TRIM28: variants seen among roughly 807,000 people sequenced by gnomAD.
The protein encoded by TRIM28 is transcription intermediary factor 1-beta.
A neutral mutation model predicts 87.4 loss-of-function variants in TRIM28; 8 were observed. The observed-to-expected ratio is 0.09, with a 90% CI of 0.05 to 0.17. The LOEUF is 0.17. Among genes scored for constraint, TRIM28 ranks in the 10% least tolerant of loss-of-function variants. The pLI is 1.00. For missense variants in TRIM28, 968 were observed against 1,131.8 expected (o/e 0.86, Z 2.08); for synonymous variants, 601 against 454.3 (o/e 1.32, Z -4.11).
Position 58,544,169 on chromosome 19 carries a change from T to G in TRIM28, c.-589T>G, listed in dbSNP as rs2053736167. 2.0e-5 allele frequency: 3 copies of G among 152,426 alleles called. No homozygotes were observed. The South Asian group carries it at 6.2e-4, about 32-fold the overall frequency. 9.4% of individuals were successfully genotyped at this position (152,426 alleles called of 1,614,324 possible). A position where few individuals can be genotyped will look rare whatever the true frequency, so the allele number is the denominator to read the frequency against. On this transcript the variant is annotated 5_prime_UTR_variant, in exon 1 of 17. Transcript: ENST00000253024. ...GGGCGCACAGCGGCCCGCTTCTGTGTGGTCTGGAGGTGGAGCTGAGAGGGG... is the reference window on the plus strand; with the variant it reads ...GGGCGCACAGCGGCCCGCTTCTGTGGGGTCTGGAGGTGGAGCTGAGAGGGG...
At chr19:58,547,246 A>G (rs991540565) in intron 3 of TRIM28, 130 bp from the exon 4 acceptor site, 1 of 1,258,294 alleles carries the variant, frequency 7.9e-7, no homozygotes, top group Middle Eastern at 2.5e-4. Context: ...CCCTGGCCAC[A>G]CCCTCTACAT....
At position 58,547,388 on chromosome 19, in the gene TRIM28, C is replaced by G. The variant is rs2053770689; in HGVS notation, c.599C>G (p.Ser200Cys). 6.2e-7 allele frequency: 1 copy of G among 1,613,622 alleles called. No homozygotes were observed. The highest frequency in any genetic ancestry group is 1.3e-5 in the African/African-American group (1 of 74,880). ...HTVRSTGPAK[S>C]RDGERTVYCN... ...TCCCACTCCCCAGGGCCAGCCAAGT[C>G]TCGGGATGGTGAACGTACTGTCTAT... The change falls in exon 4 of 17, where the codon TCT becomes TGT. Residue 200 changes from serine (S) to cysteine (C), a missense_variant. By Grantham distance (112) the Ser-to-Cys change is moderately radical. Coordinates refer to ENST00000253024, the MANE Select transcript of TRIM28 (RefSeq NM_005762.3).
intron 3 of TRIM28, among the ~76,000 whole-genome samples, chr19:58,546,432 G>A (rs1046895952): frequency 1.3e-5 from 2 of 152,184 alleles, no homozygotes; most frequent in Non-Finnish European, 1.5e-5. Context: ...GAGCTTGAGA[G>A]TCTTTTGAGT....
rs2053735301 is a variant in TRIM28 at position 58,544,103 on chromosome 19, A to C, written c.-655A>C. 1 of 152,376 alleles carries C rather than the reference A, an allele frequency of 6.6e-6. No individual in the cohort carries two copies. Among genetic ancestry groups the C allele is most frequent in the Non-Finnish European group, 1.5e-5 (1 of 68,144 alleles). The allele number at this position is 152,376 out of a possible 1,614,324, so 9.4% of individuals were successfully genotyped here. On this transcript the variant is annotated 5_prime_UTR_variant, in exon 1 of 17. Transcript: ENST00000253024. ...TGGAGACGACTCTACGGCGGCGAAG[A>C]GACGCGGGTTGAGGAAGAGGGACGG...
At chr19:58,545,257 G>A in intron 1 of TRIM28, 160 bp downstream of exon 1, 1 of 899,406 alleles carries the variant, frequency 1.1e-6, no homozygotes, top group Non-Finnish European at 1.7e-6. Context: ...GTTTGTGCTG[G>A]CCGCTGAGAT....
At chr19:58,545,957 T>TA (rs2053757796) in intron 3 of TRIM28, 61 bp downstream of exon 3, 2 of 1,542,346 alleles carry the variant, frequency 1.3e-6, no homozygotes, top group Non-Finnish European at 1.8e-6. Context: ...CAGTTGCTTT[T>TA]ATGATGTTGG....
Position 58,550,540 on chromosome 19 carries a change from G to T in TRIM28, c.2495G>T (p.Gly832Val). Residue 832 changes from glycine to valine, a missense_variant, in exon 17 of 17, where the codon GGT becomes GTT. This residue lies in a region of TRIM28 where 192 missense variants were observed against 225.6 expected (regional missense o/e 0.85). Transcript: ENST00000253024. Reference protein sequence around the residue: ...LSSQELSGGPGDGP With the variant: ...LSSQELSGGPVDGP ...TCCCAGGAGCTGTCTGGTGGCCCTG[G>T]TGATGGCCCCTGAGGCTGGAGCCCC... is the stretch of plus-strand genomic sequence containing the variant. 1.9e-6 allele frequency: 3 copies of T among 1,608,462 alleles called. No individual in the cohort carries two copies. Among genetic ancestry groups the T allele is most frequent in the Non-Finnish European group, 2.5e-6 (3 of 1,179,828 alleles).
intron 1 of TRIM28, 151 bp downstream of exon 1, chr19:58,545,248 T>C (rs1218252039): frequency 5.5e-6 from 5 of 914,096 alleles, no homozygotes; most frequent in Non-Finnish European, 6.5e-6. Context: ...CGAACGTGGG[T>C]TTGTGCTGGC....
chr19:58,545,216 A>C (rs1222081368), intron 1 of TRIM28, 119 bp downstream of exon 1: 1 of 1,033,064 alleles, frequency 9.7e-7, no homozygotes, highest in Non-Finnish European at 1.4e-6. Context: ...GGGCACGGGA[A>C]ATACTTTCTG....
At chr19:58,550,126 A>G (rs1046844677) in intron 15 of TRIM28, 21 bp from the exon 16 acceptor site, 4 of 1,613,492 alleles carry the variant, frequency 2.5e-6, no homozygotes, top group Non-Finnish European at 3.4e-6. Flanking sequence ...TTGTGTGTGT[A>G]TGTGTGATCT....
chr19:58,545,091 G>T lies in TRIM28; in HGVS notation c.334G>T (p.Gly112Cys). 1 of 1,425,976 alleles carries T rather than the reference G, an allele frequency of 7.0e-7. No individual in the cohort carries two copies. Among genetic ancestry groups the T allele is most frequent in the Non-Finnish European group, 9.1e-7 (1 of 1,102,954 alleles). The allele number at this position is 1,425,976 out of a possible 1,614,324, so 88.3% of individuals were successfully genotyped here. A position where few individuals can be genotyped will look rare whatever the true frequency, so the allele number is the denominator to read the frequency against. Residue 112 changes from glycine (G) to cysteine (C), a missense_variant, in exon 1 of 17, where the codon GGC becomes TGC. Physicochemically the swap from Gly to Cys is radical, Grantham distance 159. Transcript: ENST00000253024. ...SSGDGGAAGD[G>C]TVVDCPVCKQ... is the part of the protein sequence containing the mutation. ...GGGGGACGGCGGGGCGGCGGGCGACGGCACCGGTAAGTACGAAGTGATCGG... is the reference window on the plus strand; with the variant it reads ...GGGGGACGGCGGGGCGGCGGGCGACTGCACCGGTAAGTACGAAGTGATCGG...
chr19:58,547,227 T>C (rs1439511696), intron 3 of TRIM28, 149 bp from the exon 4 acceptor site: 2 of 967,476 alleles, frequency 2.1e-6, no homozygotes, highest in Non-Finnish European at 3.0e-6. Flanking sequence ...CTTGCAGGCC[T>C]GTGTTCTTCC....
chr19:58,547,311 C>CAT, intron 3 of TRIM28, 65 bp from the exon 4 acceptor site: 1 of 1,590,916 alleles, frequency 6.3e-7, no homozygotes, highest in Non-Finnish European at 8.6e-7. Context: ...GGCCCCAACT[C>CAT]ATTCTGCTTC....
rs2053786654 is a variant in TRIM28, at chr19:58,548,905, G to A, written c.1404G>A (p.Val468=). 2 of 1,614,100 alleles carry A rather than the reference G, an allele frequency of 1.2e-6. No homozygotes were observed. The highest frequency in any genetic ancestry group is 1.3e-5 in the African/African-American group (1 of 75,036). ...GTGCAGAGCCCCATGTGTCAGGTGT[G>A]AAACGGTAAGTATGGCACCTCCCCT... ...YSSAEPHVSG[V]KRSRSGEGEV... Residue 468 remains valine (V), a synonymous_variant, in exon 11 of 17, where the codon GTG becomes GTA. Coordinates refer to ENST00000253024, the MANE Select transcript of TRIM28 (RefSeq NM_005762.3).
rs558976903 is a variant in TRIM28 at position 58,550,547 on chromosome 19, C to T, written c.2502C>T (p.Gly834=). 8.1e-6 allele frequency: 13 copies of T among 1,606,378 alleles called. No homozygotes were observed. The Admixed American group carries it at 2.0e-4, about 25-fold the overall frequency. Residue 834 remains glycine (G), a synonymous_variant, in exon 17 of 17, where the codon GGC becomes GGT. Coordinates refer to ENST00000253024, the MANE Select transcript of TRIM28 (RefSeq NM_005762.3). The stretch of plus-strand genomic sequence containing the variant: ...AGCTGTCTGGTGGCCCTGGTGATGG[C>T]CCCTGAGGCTGGAGCCCCCATGGCC... ...SQELSGGPGD[G]P
chr19:58,545,721 A>C (rs370403780), intron 2 of TRIM28, 43 bp from the exon 3 acceptor site: 17 of 1,585,752 alleles, frequency 1.1e-5, no homozygotes, highest in Non-Finnish European at 1.5e-5. Context: ...ACGTGGATCT[A>C]TCAAGTTGTC....
chr19:58,548,377 C>T lies in TRIM28; in HGVS notation c.1185C>T (p.Leu395=), dbSNP rs1312240861. ...GCGAGATGAAGTTTCAGTGGGACCT[C>T]AATGCCTGGACCAAGAGTGCCGAGG... is the stretch of plus-strand genomic sequence containing the variant. ...PHGEMKFQWD[L]NAWTKSAEAF... The change falls in exon 8 of 17, where the codon CTC becomes CTT. Residue 395 remains leucine, a synonymous_variant. Transcript: ENST00000253024. 2 of 1,614,168 alleles carry T rather than the reference C, an allele frequency of 1.2e-6. No homozygotes were observed. The highest frequency in any genetic ancestry group is 1.7e-6 in the Non-Finnish European group (2 of 1,180,026).
intron 1 of TRIM28, 73 bp downstream of exon 1, chr19:58,545,170 G>A (rs1349888668): frequency 2.1e-5 from 28 of 1,312,356 alleles, no homozygotes; most frequent in Non-Finnish European, 2.6e-5. Flanking sequence ...GCAGAGATGA[G>A]GATGCCACCT....
intron 3 of TRIM28, among the ~76,000 whole-genome samples, chr19:58,546,927 C>G (rs527326768): frequency 4.6e-5 from 7 of 152,084 alleles, no homozygotes; most frequent in African/African-American, 1.4e-4. Flanking sequence ...GTAAGAGACC[C>G]TGGTGTTCTC....
Sources: gnomAD v4.1 joint callset for allele counts (sites outside exome capture counted in the v4.1 genomes callset) on GRCh38, gnomAD v4.1.1 for gene constraint, gnomAD v4.1.1 regional missense constraint, MANE v1.5 for transcripts, NCBI Gene and HGNC (gene_info 2026-07-23, HGNC 2026-07-21) for gene names.